The following GSE1 variants were observed in gnomAD, a reference collection of about 807,000 sequenced individuals.
The protein encoded by GSE1 is genetic suppressor element 1.
In GSE1, 32 loss-of-function variants were observed where a neutral mutation model predicts 112.6. The ratio of observed to expected loss-of-function variants is 0.28; its 90% CI spans 0.21 to 0.38. GSE1 has a LOEUF of 0.38. GSE1 is among the 10% of genes least tolerant of loss of function. The probability of loss-of-function intolerance (pLI) is 1.00; values close to 1 mark genes in which losing one functional copy is unlikely to be tolerated. For synonymous variants in GSE1, 1,115 were observed against 735.6 expected, an observed-to-expected ratio of 1.52 and a Z score of -8.35; for missense variants, 2,348 against 1,699.2, an observed-to-expected ratio of 1.38 and a Z score of -6.71.
chr16:85,348,777 C>A (rs1047572836), intron 1 of GSE1, among the ~76,000 whole-genome samples: 4 of 152,186 alleles, frequency 2.6e-5, no homozygotes, highest in African/African-American at 7.2e-5. Context: ...TGCAGCCAGC[C>A]GTCACCTGGC....
At chr16:85,549,721 G>A (rs1382149539) in intron 2 of GSE1, among the ~76,000 whole-genome samples, 2 of 152,208 alleles carry the variant, frequency 1.3e-5, no homozygotes, top group African/African-American at 4.8e-5. Flanking sequence ...TTGAGACTTG[G>A]AATGTTCATA....
chr16:85,638,572 G>C (rs544517312), intron 2 of GSE1, among the ~76,000 whole-genome samples: 1 of 152,320 alleles, frequency 6.6e-6, no homozygotes, highest in African/African-American at 2.4e-5. Flanking sequence ...CATGAATCGT[G>C]GGGACTGGGT....
chr16:85,494,846 C>G (rs548826464), intron 2 of GSE1, among the ~76,000 whole-genome samples: 4 of 152,348 alleles, frequency 2.6e-5, no homozygotes, highest in African/African-American at 9.6e-5. Context: ...GAAGCCAAGC[C>G]CAGAAGGGCG....
At chr16:85,280,196 C>T (rs943513175) in intron 1 of GSE1, among the ~76,000 whole-genome samples, 1 of 152,272 alleles carries the variant, frequency 6.6e-6, no homozygotes, top group African/African-American at 2.4e-5. Flanking sequence ...GGTAGGAAGG[C>T]CCTGGCCCAG....
At chr16:85,502,906 C>T (rs1274801556) in intron 2 of GSE1, among the ~76,000 whole-genome samples, 1 of 152,140 alleles carries the variant, frequency 6.6e-6, no homozygotes, top group Admixed American at 6.5e-5. Context: ...GAGGCCAGGG[C>T]TGGGTGCCCA....
At chr16:85,455,808 G>A (rs2049810914) in intron 2 of GSE1, among the ~76,000 whole-genome samples, 1 of 152,216 alleles carries the variant, frequency 6.6e-6, no homozygotes, top group Non-Finnish European at 1.5e-5. Flanking sequence ...GGGGGTGAAA[G>A]CGTCACGCTC....
chr16:85,563,201 TTTTC>T (rs1237064684), intron 1 of GSE1, among the ~76,000 whole-genome samples: 3 of 150,324 alleles, frequency 2.0e-5, no homozygotes, highest in African/African-American at 7.5e-5. Flanking sequence ...TTTTTTTTTT[TTTTC>T]TTTTAAGAGC....
chr16:85,552,080 C>T (rs1230486053), upstream of GSE1, among the ~76,000 whole-genome samples: 1 of 150,826 alleles, frequency 6.6e-6, no homozygotes. Flanking sequence ...GGCTGGAGTG[C>T]AGTGGTGCGA....
Position 85,654,446 on chromosome 16 carries a change from C to A in GSE1, c.595C>A (p.Leu199Ile). 2 of 1,566,904 alleles carry A rather than the reference C, an allele frequency of 1.3e-6. No homozygotes were observed. Among genetic ancestry groups the A allele is most frequent in the Non-Finnish European group, 1.7e-6 (2 of 1,154,966 alleles). ...SVVQDSRFPP[L>I]NLQRPVHHVV... ...TGTGCAGGATTCCCGCTTCCCGCCA[C>A]TCAAGTAAGTTGGTCGGCGGGGACT... is the stretch of plus-strand genomic sequence containing the variant. Residue 199 changes from leucine to isoleucine, a missense_variant, in exon 4 of 16, where the codon CTC (leucine) becomes ATC (isoleucine). Transcript: ENST00000253458.
At chr16:85,560,067 A>G (rs1378635548) in intron 1 of GSE1, among the ~76,000 whole-genome samples, 4 of 150,116 alleles carry the variant, frequency 2.7e-5, no homozygotes, top group East Asian at 2.0e-4. Context: ...TGTCACGGTC[A>G]TTATTGTTAT....
At chr16:85,387,853 C>G (rs910274759) in intron 2 of GSE1, among the ~76,000 whole-genome samples, 1 of 151,972 alleles carries the variant, frequency 6.6e-6, no homozygotes, top group Non-Finnish European at 1.5e-5. Context: ...TTTGCATGGA[C>G]GGATGATTGG....
intron 2 of GSE1, among the ~76,000 whole-genome samples, chr16:85,474,497 C>G (rs2050391918): frequency 6.6e-6 from 1 of 152,122 alleles, no homozygotes; most frequent in African/African-American, 2.4e-5. Context: ...TTTCATTTTC[C>G]TCTCTGCGGC....
chr16:85,336,967 C>T (rs951143371), intron 1 of GSE1, among the ~76,000 whole-genome samples: 3 of 150,112 alleles, frequency 2.0e-5, no homozygotes, highest in African/African-American at 7.4e-5. Context: ...TACACATAGG[C>T]ACACATATAC....
At chr16:85,241,587 A>G (rs1030152178) in intron 1 of GSE1, among the ~76,000 whole-genome samples, 16 of 152,048 alleles carry the variant, frequency 1.1e-4, no homozygotes, top group South Asian at 2.1e-4. Flanking sequence ...AACTCTGTCA[A>G]TTACCCGGTG....
At chr16:85,478,524 C>CAAA (rs112620422) in intron 2 of GSE1, among the ~76,000 whole-genome samples, 1 of 113,452 alleles carries the variant, frequency 8.8e-6, no homozygotes, top group African/African-American at 3.0e-5. Flanking sequence ...GAAACTGTCT[C>CAAA]AAAAAAAAAA....
intron 1 of GSE1, among the ~76,000 whole-genome samples, chr16:85,589,530 C>T (rs1166180213): frequency 6.6e-6 from 1 of 152,138 alleles, no homozygotes; most frequent in African/African-American, 2.4e-5. Context: ...GGCGGGGGGT[C>T]CCTGGTATTT....
At chr16:85,359,731 GGGGGATGGGGCACGAACCCCGACGTCT>G (rs2047024447) in intron 2 of GSE1, among the ~76,000 whole-genome samples, 1 of 152,214 alleles carries the variant, frequency 6.6e-6, no homozygotes, top group Admixed American at 6.5e-5. Context: ...TAGTGAGCGA[GGGGGATGGGGCACGAACCCCGACGTCT>G]GGCTCCCGCG....
At chr16:85,493,266 A>C (rs2051066781) in intron 2 of GSE1, among the ~76,000 whole-genome samples, 1 of 152,152 alleles carries the variant, frequency 6.6e-6, no homozygotes, top group African/African-American at 2.4e-5. Flanking sequence ...CCTGAGTGAC[A>C]TAGTGAGACC....
At chr16:85,208,050 A>G (rs2143626371) in intron 1 of GSE1, among the ~76,000 whole-genome samples, 1 of 152,172 alleles carries the variant, frequency 6.6e-6, no homozygotes, top group African/African-American at 2.4e-5. Flanking sequence ...GCCCAGGACC[A>G]TGGGGATGTA....
Sources: allele counts gnomAD v4.1 joint callset (sites outside exome capture counted in the v4.1 genomes callset), GRCh38; gene constraint gnomAD v4.1.1; transcripts MANE v1.5; gene names NCBI Gene and HGNC (gene_info 2026-07-23, HGNC 2026-07-21).